LRRTM4: variants seen among roughly 807,000 people sequenced by gnomAD.
LRRTM4 encodes the protein leucine rich repeat transmembrane neuronal 4.
LRRTM4 carries 25 observed loss-of-function variants against 47.6 expected under a neutral mutation model. That is an observed-to-expected ratio of 0.53 (90% CI 0.38 to 0.73). The LOEUF (loss-of-function observed/expected upper bound fraction) is 0.73, where lower values mean the gene tolerates loss of function less well. LRRTM4 is among the 30% of genes least tolerant of loss of function. The pLI is 0.00. For missense variants in LRRTM4, 638 were observed against 713.4 expected, an observed-to-expected ratio of 0.89 and a Z score of 1.20; for synonymous variants, 311 against 269.5, an observed-to-expected ratio of 1.15 and a Z score of -1.51.
At chr2:77,049,172 A>C (rs1205923124) in intron 3 of LRRTM4, among the ~76,000 whole-genome samples, 3 of 141,788 alleles carry the variant, frequency 2.1e-5, no homozygotes, top group African/African-American at 7.9e-5. Context: ...ACACACACAC[A>C]CCACATTTTC....
At chr2:77,338,208 A>C (rs1325654793) in intron 3 of LRRTM4, among the ~76,000 whole-genome samples, 3 of 152,176 alleles carry the variant, frequency 2.0e-5, no homozygotes, top group Non-Finnish European at 2.9e-5. Context: ...AAGTCCTCAA[A>C]AGCAATTGCA....
At chr2:77,494,191 A>G (rs970485319) in intron 3 of LRRTM4, among the ~76,000 whole-genome samples, 1 of 152,178 alleles carries the variant, frequency 6.6e-6, no homozygotes, top group Non-Finnish European at 1.5e-5. Flanking sequence ...GTATATAATA[A>G]TGAACTGCAG....
chr2:77,211,237 T>A (rs1257160104), intron 3 of LRRTM4, among the ~76,000 whole-genome samples: 1 of 152,132 alleles, frequency 6.6e-6, no homozygotes, highest in East Asian at 1.9e-4. Context: ...CAGAAACTAG[T>A]GCTAAGGCCA....
intron 3 of LRRTM4, among the ~76,000 whole-genome samples, chr2:76,817,241 C>A (rs1011857503): frequency 2.0e-5 from 3 of 151,838 alleles, no homozygotes; most frequent in East Asian, 3.9e-4. Context: ...AAATTGCATG[C>A]TTGATAATTA....
intron 3 of LRRTM4, among the ~76,000 whole-genome samples, chr2:77,198,529 T>C (rs1049512233): frequency 1.3e-5 from 2 of 152,192 alleles, no homozygotes; most frequent in African/African-American, 4.8e-5. Context: ...AAAATTAAGA[T>C]TAATTGTGAT....
intron 3 of LRRTM4, among the ~76,000 whole-genome samples, chr2:77,066,377 A>G (rs1457823027): frequency 6.6e-6 from 1 of 152,222 alleles, no homozygotes; most frequent in African/African-American, 2.4e-5. Flanking sequence ...GTAAAAACAA[A>G]AAGACTAATA....
At chr2:77,237,833 C>T (rs1308335052) in intron 3 of LRRTM4, among the ~76,000 whole-genome samples, 3 of 152,096 alleles carry the variant, frequency 2.0e-5, no homozygotes, top group Admixed American at 1.3e-4. Flanking sequence ...AACCCTGTTG[C>T]CTCAGGGCAC....
At chr2:77,407,695 T>G (rs922343551) in intron 3 of LRRTM4, among the ~76,000 whole-genome samples, 93 of 136,462 alleles carry the variant, frequency 6.8e-4, no homozygotes, top group Non-Finnish European at 1.2e-3. Flanking sequence ...ATATAATATA[T>G]GATATATATA....
chr2:76,780,679 T>C (rs752998450), intron 3 of LRRTM4, among the ~76,000 whole-genome samples: 1 of 152,186 alleles, frequency 6.6e-6, no homozygotes, highest in Non-Finnish European at 1.5e-5. Context: ...TTTCAAAGTT[T>C]TCAACTTCTT....
At chr2:77,085,434 G>A (rs971047994) in intron 3 of LRRTM4, among the ~76,000 whole-genome samples, 12 of 147,878 alleles carry the variant, frequency 8.1e-5, no homozygotes, top group African/African-American at 3.0e-4. Context: ...TGAATCTGAT[G>A]CTATCTCTTT....
At chr2:77,205,546 G>A (rs1411075591) in intron 3 of LRRTM4, among the ~76,000 whole-genome samples, 1 of 152,108 alleles carries the variant, frequency 6.6e-6, no homozygotes, top group Non-Finnish European at 1.5e-5. Context: ...TATGTGGCCT[G>A]TGCAAGTGTC....
chr2:76,801,787 A>T (rs1675705376), intron 3 of LRRTM4, among the ~76,000 whole-genome samples: 1 of 152,176 alleles, frequency 6.6e-6, no homozygotes, highest in Non-Finnish European at 1.5e-5. Context: ...ATCAAATGAG[A>T]TTTATGCCTA....
At chr2:77,192,178 T>A (rs1043026696) in intron 3 of LRRTM4, among the ~76,000 whole-genome samples, 7 of 152,092 alleles carry the variant, frequency 4.6e-5, no homozygotes, top group African/African-American at 1.4e-4. Context: ...ATAAAGGCAT[T>A]CTGTTTAAAA....
chr2:77,411,616 C>CTCTTTT (rs1381581845), intron 3 of LRRTM4, among the ~76,000 whole-genome samples: 1 of 96,620 alleles, frequency 1.0e-5, no homozygotes, highest in Non-Finnish European at 1.8e-5. Flanking sequence ...CCATGCCCGG[C>CTCTTTT]TATTTTTTTT....
intron 3 of LRRTM4, among the ~76,000 whole-genome samples, chr2:76,946,992 G>C (rs1675343335): frequency 6.6e-6 from 1 of 151,844 alleles, no homozygotes; most frequent in South Asian, 2.1e-4. Context: ...AGGAAGGCCT[G>C]AGTGAAGAGA....
At chr2:76,865,443 G>A (rs898864188) in intron 3 of LRRTM4, among the ~76,000 whole-genome samples, 1 of 152,110 alleles carries the variant, frequency 6.6e-6, no homozygotes, top group Non-Finnish European at 1.5e-5. Flanking sequence ...TAAAATTAGA[G>A]AAAGTCCTAT....
At chr2:76,797,847 C>A (rs1238350361) in intron 3 of LRRTM4, among the ~76,000 whole-genome samples, 1 of 151,526 alleles carries the variant, frequency 6.6e-6, no homozygotes, top group African/African-American at 2.4e-5. Context: ...TTTAAACCAA[C>A]AAAGATCAAA....
intron 3 of LRRTM4, among the ~76,000 whole-genome samples, chr2:77,093,567 G>A (rs983589681): frequency 6.6e-5 from 10 of 151,184 alleles, no homozygotes; most frequent in Non-Finnish European, 1.3e-4. Context: ...GAGAAACATC[G>A]CCCATTCTCT....
At position 76,757,361 on chromosome 2, in the gene LRRTM4, A is replaced by G. The variant is rs182807151; in HGVS notation, c.1552-8445T>C. ...TCAGGGGATAAGAGAACAAAGATCC[A>G]TTTCCATCTTTATTGCTCTCCTACC... On this transcript the variant is annotated intron_variant, in intron 3 of 3. Coordinates refer to ENST00000409884, the MANE Select transcript of LRRTM4 (RefSeq NM_001134745.3). Among the ~76,000 whole-genome samples, 4 of 152,236 alleles carry G rather than the reference A, an allele frequency of 2.6e-5. No homozygotes were observed. In the East Asian group the frequency reaches 7.7e-4, roughly 29 times the overall value.
Sources: allele counts gnomAD v4.1 joint callset (sites outside exome capture counted in the v4.1 genomes callset), GRCh38; gene constraint gnomAD v4.1.1; transcripts MANE v1.5; gene names NCBI Gene and HGNC (gene_info 2026-07-23, HGNC 2026-07-21).